Variants in LRFN5 observed in about 807,000 individuals in gnomAD.
LRFN5 encodes leucine-rich repeat and fibronectin type-III domain-containing protein 5.
LRFN5 carries 24 observed loss-of-function variants against 45.6 expected under a neutral mutation model. The observed-to-expected ratio is 0.53, with a 90% confidence interval of 0.38 to 0.74. The LOEUF (loss-of-function observed/expected upper bound fraction) is 0.74. Ranked by LOEUF, LRFN5 falls within the 30% of genes least tolerant of loss-of-function variation. The pLI is 0.00. For synonymous variants in LRFN5, 340 were observed against 313.8 expected, an observed-to-expected ratio of 1.08 and a Z score of -0.88; for missense variants, 776 against 861.5, an observed-to-expected ratio of 0.90 and a Z score of 1.24.
chr14:41,767,528 T>C (rs1885929840), intron 2 of LRFN5, among the ~76,000 whole-genome samples: 1 of 152,192 alleles, frequency 6.6e-6, no homozygotes, highest in South Asian at 2.1e-4. Flanking sequence ...AAGAGCACTT[T>C]TCCTGATTGG....
rs60855395 is a variant in LRFN5, at chr14:41,734,316, TTATATATATATATATATA to T, written c.-196-32526_-196-32509del. Among the ~76,000 whole-genome samples, 58 of 38,798 alleles carry T rather than the reference TTATATATATATATATATA, an allele frequency of 1.5e-3. 4 individuals carry two copies. The East Asian group carries it at 0.094, about 63-fold the overall frequency. 25.5% of individuals were successfully genotyped at this position (38,798 alleles called of 152,430 possible). On this transcript the variant is annotated intron_variant, in intron 1 of 5. Transcript: ENST00000298119. ...GTGAGCCACCTTTCCTGGACTGGTT[TTATATATATATATATATA>T]TATATATATATTTAAATTTGCTGTA...
intron 2 of LRFN5, among the ~76,000 whole-genome samples, chr14:41,860,950 C>A (rs1889639194): frequency 6.6e-6 from 1 of 152,192 alleles, no homozygotes; most frequent in African/African-American, 2.4e-5. Flanking sequence ...CTAAAGCCAA[C>A]TATTCCAAGG....
chr14:41,862,743 T>C (rs531930904), intron 2 of LRFN5, among the ~76,000 whole-genome samples: 132 of 152,314 alleles, frequency 8.7e-4, no homozygotes, highest in African/African-American at 2.8e-3. Context: ...ATATATGTAG[T>C]AGTAACACAG....
rs111746079 is a variant in LRFN5, at chr14:41,628,238, C to T, written c.-197+19676C>T. Among the ~76,000 whole-genome samples, 961 of 152,274 alleles carry T rather than the reference C, an allele frequency of 6.3e-3. 16 individuals carry two copies. The highest frequency in any genetic ancestry group is 0.023 in the African/African-American group (936 of 41,564). ...AATATCTTGCCTTTTTCTCACTAAG[C>T]TGTCAGTGAAGTCATTTATCAGAGT... On this transcript the variant is annotated intron_variant, in intron 1 of 5. Transcript: ENST00000298119.
intron 1 of LRFN5, among the ~76,000 whole-genome samples, chr14:41,630,505 A>G (rs1466168621): frequency 6.6e-6 from 1 of 152,064 alleles, no homozygotes; most frequent in Non-Finnish European, 1.5e-5. Flanking sequence ...ATCAATCTGT[A>G]TTGTTTGCTT....
intron 1 of LRFN5, among the ~76,000 whole-genome samples, chr14:41,678,575 A>C (rs1881744121): frequency 1.3e-5 from 2 of 152,172 alleles, no homozygotes; most frequent in African/African-American, 2.4e-5. Context: ...GCCACGCAAC[A>C]ATGAAAGAAT....
intron 1 of LRFN5, among the ~76,000 whole-genome samples, chr14:41,689,039 G>A (rs1281239343): frequency 1.8e-4 from 28 of 151,882 alleles, no homozygotes; most frequent in Admixed American, 1.5e-3. Flanking sequence ...AGGCTACAGC[G>A]AGCTGAGATC....
chr14:41,617,039 A>T (rs1465543449), intron 1 of LRFN5, among the ~76,000 whole-genome samples: 22 of 152,128 alleles, frequency 1.4e-4, no homozygotes, highest in Admixed American at 1.4e-3. Context: ...AAATAATAAG[A>T]TTGCTAGGTA....
At chr14:41,847,847 C>A (rs1889123014) in intron 2 of LRFN5, among the ~76,000 whole-genome samples, 1 of 152,014 alleles carries the variant, frequency 6.6e-6, no homozygotes, top group Admixed American at 6.6e-5. Flanking sequence ...ATAAAATTCT[C>A]CAAAGGAATT....
chr14:41,798,720 G>A (rs1459502339), intron 2 of LRFN5, among the ~76,000 whole-genome samples: 10 of 151,836 alleles, frequency 6.6e-5, no homozygotes, highest in Non-Finnish European at 1.0e-4. Context: ...CTCATTAGAG[G>A]TAAAAGTTTG....
intron 1 of LRFN5, among the ~76,000 whole-genome samples, chr14:41,670,114 CAT>C (rs909605699): frequency 1.5e-5 from 2 of 134,746 alleles, no homozygotes; most frequent in Admixed American, 7.7e-5. Context: ...TCTATACATT[CAT>C]ATATATACAT....
At chr14:41,637,147 A>G (rs1464824742) in intron 1 of LRFN5, among the ~76,000 whole-genome samples, 1 of 152,094 alleles carries the variant, frequency 6.6e-6, no homozygotes, top group Non-Finnish European at 1.5e-5. Context: ...CTTGAGAACT[A>G]CAAACAAGAA....
chr14:41,648,037 T>C (rs899540981), intron 1 of LRFN5, among the ~76,000 whole-genome samples: 4 of 152,336 alleles, frequency 2.6e-5, no homozygotes, highest in African/African-American at 7.2e-5. Context: ...TCTACATCTA[T>C]ATCTTTTTAT....
rs184588992 is a variant in LRFN5 at position 41,879,353 on chromosome 14, T to C, written c.-20-7253T>C. ...AACATAATGAAAAATCACTATTTCC[T>C]TTTTTAAAAAAAATTAATCACCTAC... On this transcript the variant is annotated intron_variant, in intron 2 of 5. Coordinates refer to ENST00000298119, the MANE Select transcript of LRFN5 (RefSeq NM_152447.5). 1.9e-3 allele frequency among the ~76,000 whole-genome samples: 287 copies of C among 151,830 alleles called. 3 individuals carry two copies. The highest frequency in any genetic ancestry group is 6.8e-3 in the African/African-American group (280 of 41,332).
chr14:41,637,249 A>G (rs1879347161), intron 1 of LRFN5, among the ~76,000 whole-genome samples: 1 of 152,126 alleles, frequency 6.6e-6, no homozygotes, highest in African/African-American at 2.4e-5. Flanking sequence ...CATGATTGTA[A>G]CTAGGGAGAG....
intron 1 of LRFN5, among the ~76,000 whole-genome samples, chr14:41,680,533 T>G (rs551681040): frequency 6.6e-6 from 1 of 152,214 alleles, no homozygotes; most frequent in African/African-American, 2.4e-5. Context: ...CTCTATGAGT[T>G]TTTAAGAGCC....
chr14:41,751,825 A>G (rs1423679655), intron 1 of LRFN5, among the ~76,000 whole-genome samples: 1 of 152,120 alleles, frequency 6.6e-6, no homozygotes, highest in East Asian at 1.9e-4. Context: ...CAGGTTTGTT[A>G]CATATGTATA....
chr14:41,712,439 T>G (rs934869636), intron 1 of LRFN5, among the ~76,000 whole-genome samples: 2 of 152,124 alleles, frequency 1.3e-5, no homozygotes, highest in Non-Finnish European at 2.9e-5. Context: ...GGTAAAACGT[T>G]CTGAATTTTG....
chr14:41,802,887 A>C (rs1887387089), intron 2 of LRFN5, among the ~76,000 whole-genome samples: 1 of 152,176 alleles, frequency 6.6e-6, no homozygotes, highest in East Asian at 1.9e-4. Context: ...ACAGAAATGA[A>C]AGGGAATTGT....
Sources: gnomAD v4.1 joint callset for allele counts (sites outside exome capture counted in the v4.1 genomes callset) on GRCh38, gnomAD v4.1.1 for gene constraint, MANE v1.5 for transcripts, NCBI Gene and HGNC (gene_info 2026-07-23, HGNC 2026-07-21) for gene names.